LRRC8D: variants seen among roughly 807,000 people sequenced by gnomAD.
The protein encoded by LRRC8D is leucine rich repeat containing 8 VRAC subunit D.
LRRC8D carries 20 observed loss-of-function variants against 55.8 expected under a neutral mutation model. That is an observed-to-expected ratio of 0.36 (90% CI 0.25 to 0.52). The LOEUF (loss-of-function observed/expected upper bound fraction) is 0.52, where lower values mean the gene tolerates loss of function less well. Among genes scored for constraint, LRRC8D ranks in the 20% least tolerant of loss-of-function variants. The pLI, the probability that LRRC8D is intolerant of heterozygous loss-of-function variation, is 0.93. For missense variants in LRRC8D, 651 were observed against 1,030.8 expected (o/e 0.63, Z 5.05); for synonymous variants, 352 against 377.0 (o/e 0.93, Z 0.77).
chr1:89,878,224 A>C (rs1662194957), intron 2 of LRRC8D, among the ~76,000 whole-genome samples: 1 of 152,198 alleles, frequency 6.6e-6, no homozygotes, highest in South Asian at 2.1e-4. Context: ...ATCTGCTTCT[A>C]AGTTTTCTGA....
At chr1:89,896,800 C>T (rs1662725643) in intron 2 of LRRC8D, among the ~76,000 whole-genome samples, 1 of 152,170 alleles carries the variant, frequency 6.6e-6, no homozygotes, top group African/African-American at 2.4e-5. Flanking sequence ...TCTTGTGAAT[C>T]ATAGTTGTTA....
chr1:89,904,990 G>A lies in LRRC8D; in HGVS notation c.-2-28077G>A, dbSNP rs971189355. Among the ~76,000 whole-genome samples the A allele has an allele frequency of 4.8e-5, 6 of 124,862 alleles. No homozygotes were observed. The South Asian group carries it at 1.1e-3, about 22-fold the overall frequency. The allele number at this position is 124,862 out of a possible 152,430, so 81.9% of individuals were successfully genotyped here. A position where few individuals can be genotyped will look rare whatever the true frequency, so the allele number is the denominator to read the frequency against. On this transcript the variant is annotated intron_variant, in intron 2 of 2. Coordinates refer to ENST00000337338, the MANE Select transcript of LRRC8D (RefSeq NM_001134479.2). ...CAGGCAAACGAATTTTTACATGGAA[G>A]TACTTGATTTTGGAGGTTTTAAATA...
chr1:89,898,073 T>G (rs1016496258), intron 2 of LRRC8D, among the ~76,000 whole-genome samples: 6 of 152,208 alleles, frequency 3.9e-5, no homozygotes, highest in African/African-American at 1.4e-4. Context: ...AACCTCTGTA[T>G]GTGGTTTAGT....
At chr1:89,905,551 TAGAA>T (rs1439025403) in intron 2 of LRRC8D, among the ~76,000 whole-genome samples, 1 of 152,164 alleles carries the variant, frequency 6.6e-6, no homozygotes, top group Non-Finnish European at 1.5e-5. Context: ...CCACACCAGT[TAGAA>T]AGATAAAGGA....
chr1:89,889,042 G>A lies in LRRC8D; in HGVS notation c.-2-44025G>A, dbSNP rs141716634. On this transcript the variant is annotated intron_variant, in intron 2 of 2. Coordinates refer to ENST00000337338, the MANE Select transcript of LRRC8D (RefSeq NM_001134479.2). ...GTGCATGGTGACTTCCCTCCAAAGA[G>A]CAATGTGGGAAGGCAGAGAAACCTG... Among the ~76,000 whole-genome samples the A allele has an allele frequency of 1.8e-4, 28 of 152,232 alleles. No homozygotes were observed. In the East Asian group the frequency reaches 5.4e-3, roughly 29 times the overall value.
At chr1:89,850,169 C>G (rs866068723) in intron 2 of LRRC8D, among the ~76,000 whole-genome samples, 1 of 152,202 alleles carries the variant, frequency 6.6e-6, no homozygotes, top group African/African-American at 2.4e-5. Context: ...TTTGGTGCTA[C>G]CCCTAGGATG....
chr1:89,909,533 G>A (rs1663077708), intron 2 of LRRC8D, among the ~76,000 whole-genome samples: 1 of 151,792 alleles, frequency 6.6e-6, no homozygotes, highest in South Asian at 2.1e-4. Context: ...ACATCGTTCA[G>A]GAGCAGCATA....
chr1:89,839,593 A>G (rs1449204569), intron 1 of LRRC8D, among the ~76,000 whole-genome samples: 1 of 152,188 alleles, frequency 6.6e-6, no homozygotes, highest in Non-Finnish European at 1.5e-5. Context: ...GGTAAATGCC[A>G]ATCAGGCCAG....
chr1:89,870,474 T>C (rs567010536), intron 2 of LRRC8D, among the ~76,000 whole-genome samples: 3 of 150,972 alleles, frequency 2.0e-5, no homozygotes, highest in Admixed American at 1.3e-4. Flanking sequence ...AGACCCTGTA[T>C]CAAAAAAAAA....
chr1:89,831,107 T>C (rs1460331973), intron 1 of LRRC8D, among the ~76,000 whole-genome samples: 1 of 152,124 alleles, frequency 6.6e-6, no homozygotes, highest in Non-Finnish European at 1.5e-5. Context: ...GGTTTCGCCA[T>C]GTTGGCCAGG....
At chr1:89,875,261 G>A (rs1380663370) in intron 2 of LRRC8D, among the ~76,000 whole-genome samples, 1 of 151,918 alleles carries the variant, frequency 6.6e-6, no homozygotes, top group Non-Finnish European at 1.5e-5. Context: ...AATATGCATG[G>A]GATTGAAAGT....
intron 2 of LRRC8D, among the ~76,000 whole-genome samples, chr1:89,882,573 A>G (rs562535432): frequency 1.3e-5 from 2 of 152,222 alleles, no homozygotes; most frequent in Non-Finnish European, 2.9e-5. Context: ...CTAGGAGAAG[A>G]AAACCACAGT....
chr1:89,933,823 C>T lies in LRRC8D; in HGVS notation c.755C>T (p.Pro252Leu). 6.2e-7 allele frequency: 1 copy of T among 1,614,030 alleles called. No homozygotes were observed. The highest frequency in any genetic ancestry group is 8.5e-7 in the Non-Finnish European group (1 of 1,179,986). ...GAAGGGAGCCCCAGTGCCAGTACACCAATGATCAATAAAACTGGCTTTAAA... is the reference window on the plus strand; with the variant it reads ...GAAGGGAGCCCCAGTGCCAGTACACTAATGATCAATAAAACTGGCTTTAAA... ...SDEGSPSASTPMINKTGFKFS... is the reference protein window; with the variant it reads ...SDEGSPSASTLMINKTGFKFS... Residue 252 changes from proline (P) to leucine (L), a missense_variant, in exon 3 of 3, where the codon CCA becomes CTA. By Grantham distance (98) the Pro-to-Leu change is moderately conservative. This residue lies in a region of LRRC8D where 178 missense variants were observed against 374.9 expected (regional missense o/e 0.47). Transcript: ENST00000337338. This position sits in a 1 kb window ranked among gnomAD's most constrained non-coding sequence, Gnocchi z 7.0.
At chr1:89,909,204 GC>G in intron 2 of LRRC8D, among the ~76,000 whole-genome samples, 1 of 152,236 alleles carries the variant, frequency 6.6e-6, no homozygotes, top group East Asian at 1.9e-4. Flanking sequence ...TTTAGAGGAG[GC>G]CTGTAATTTA....
chr1:89,882,371 A>C (rs889585387), intron 2 of LRRC8D, among the ~76,000 whole-genome samples: 3 of 152,252 alleles, frequency 2.0e-5, no homozygotes, highest in African/African-American at 7.2e-5. Flanking sequence ...CGTGCTGTGC[A>C]CTGGACTGGC....
chr1:89,890,471 C>G lies in LRRC8D; in HGVS notation c.-2-42596C>G, dbSNP rs563919446. ...ATCATTCATTCAGTCTTTTTCCTGA[C>G]ATGGTTTAACCTAGGAGGCTCAATA... is the stretch of plus-strand genomic sequence containing the variant. On this transcript the variant is annotated intron_variant, in intron 2 of 2. Coordinates refer to ENST00000337338, the MANE Select transcript of LRRC8D (RefSeq NM_001134479.2). 2.6e-4 allele frequency among the ~76,000 whole-genome samples: 39 copies of G among 152,308 alleles called. No individual in the cohort carries two copies. In the South Asian group the frequency reaches 5.6e-3, roughly 22 times the overall value.
chr1:89,843,899 C>A (rs910113457), intron 2 of LRRC8D, 117 bp downstream of exon 2: 24 of 518,148 alleles, frequency 4.6e-5, no homozygotes, highest in Admixed American at 3.3e-5. Flanking sequence ...GCCCGCCCCC[C>A]ACCACTGGCT....
chr1:89,931,793 C>A (rs1663711818), intron 2 of LRRC8D, among the ~76,000 whole-genome samples: 1 of 151,948 alleles, frequency 6.6e-6, no homozygotes, highest in African/African-American at 2.4e-5. Context: ...ATTAAAAATT[C>A]ATCTTCCATC....
chr1:89,857,157 T>A (rs899032604), intron 2 of LRRC8D, among the ~76,000 whole-genome samples: 8 of 151,900 alleles, frequency 5.3e-5, no homozygotes, highest in Non-Finnish European at 1.0e-4. Context: ...GTGAGGCAGG[T>A]GGATCACCTG....
Sources: gnomAD v4.1 joint callset for allele counts (sites outside exome capture counted in the v4.1 genomes callset) on GRCh38, gnomAD v4.1.1 for gene constraint, gnomAD v4.1.1 regional missense constraint, Gnocchi (gnomAD v3.1) non-coding constraint, MANE v1.5 for transcripts, NCBI Gene and HGNC (gene_info 2026-07-23, HGNC 2026-07-21) for gene names.